Variants in FOXK2 observed in about 807,000 individuals in gnomAD.
The protein encoded by FOXK2 is forkhead box protein K2.
In FOXK2, 24 loss-of-function variants were observed where a neutral mutation model predicts 53.3. The observed-to-expected ratio is 0.45, with a 90% confidence interval of 0.33 to 0.63. The LOEUF (loss-of-function observed/expected upper bound fraction) is 0.63, where lower values mean the gene tolerates loss of function less well. Among genes scored for constraint, FOXK2 ranks in the 30% least tolerant of loss-of-function variants. FOXK2 has a pLI of 0.03. For missense variants in FOXK2, 952 were observed against 910.5 expected, an observed-to-expected ratio of 1.05 and a Z score of -0.59; for synonymous variants, 505 against 407.1, an observed-to-expected ratio of 1.24 and a Z score of -2.89.
Position 82,601,306 on chromosome 17 carries a change from C to T in FOXK2, c.1790C>T (p.Ala597Val), listed in dbSNP as rs766532897. Residue 597 changes from alanine to valine, a missense_variant, in exon 9 of 9, where the codon GCG (alanine) becomes GTG (valine). By Grantham distance (64) the Ala-to-Val change is moderately conservative. Around this residue, in one of 5 missense-constraint regions of FOXK2, gnomAD observed 551 missense variants for 385.1 expected, o/e 1.43. Transcript: ENST00000335255. ...TAVHGQVNNAAASPLHMLATH... is the reference protein window; with the variant it reads ...TAVHGQVNNAVASPLHMLATH... ...TGACTCCCTCGTGTCATTTCAGCCGCGGCGAGTCCTTTGCACATGTTGGCA... is the reference window on the plus strand; with the variant it reads ...TGACTCCCTCGTGTCATTTCAGCCGTGGCGAGTCCTTTGCACATGTTGGCA... 1.8e-5 allele frequency: 29 copies of T among 1,610,214 alleles called. No individual in the cohort carries two copies. The highest frequency in any genetic ancestry group is 1.8e-4 in the East Asian group (8 of 44,802).
intron 1 of FOXK2, among the ~76,000 whole-genome samples, chr17:82,525,103 G>C (rs2044403824): frequency 6.6e-6 from 1 of 151,658 alleles, no homozygotes; most frequent in Non-Finnish European, 1.5e-5. Flanking sequence ...AGCCTCCCGA[G>C]TAGCTGGGAT....
intron 4 of FOXK2, 150 bp downstream of exon 4, chr17:82,572,020 G>C: frequency 1.5e-6 from 1 of 653,468 alleles, no homozygotes. Context: ...TTGGGGGCCG[G>C]TGCTGCCATG....
intron 2 of FOXK2, among the ~76,000 whole-genome samples, chr17:82,565,109 C>T (rs189862781): frequency 8.2e-4 from 125 of 152,178 alleles, no homozygotes; most frequent in African/African-American, 2.4e-3. Flanking sequence ...ACCAGGTAAA[C>T]GGTATGTCCA....
chr17:82,549,370 A>G (rs2044654882), intron 1 of FOXK2, among the ~76,000 whole-genome samples: 1 of 152,080 alleles, frequency 6.6e-6, no homozygotes, highest in African/African-American at 2.4e-5. Flanking sequence ...TTACAGTTAC[A>G]GTACAGCAAA....
intron 1 of FOXK2, among the ~76,000 whole-genome samples, chr17:82,522,469 C>T (rs891270372): frequency 2.0e-5 from 3 of 150,600 alleles, no homozygotes; most frequent in Non-Finnish European, 4.4e-5. Context: ...CCCGGGTTCA[C>T]ATCATTCTCC....
intron 1 of FOXK2, among the ~76,000 whole-genome samples, chr17:82,555,744 T>A (rs1286654932): frequency 3.9e-5 from 5 of 129,216 alleles, no homozygotes; most frequent in Admixed American, 2.2e-4. Context: ...AAAAAAAAAA[T>A]TGGCGTGGGG....
At chr17:82,573,815 G>A (rs1340788343) in intron 4 of FOXK2, among the ~76,000 whole-genome samples, 2 of 152,248 alleles carry the variant, frequency 1.3e-5, no homozygotes, top group Non-Finnish European at 2.9e-5. Context: ...TTTCTCTTAA[G>A]TGGTATTTCT....
chr17:82,585,961 C>T lies in FOXK2; in HGVS notation c.1337C>T (p.Ala446Val), dbSNP rs200254073. ...ACCGTCCAGCGGCAGCTACCACAGG[C>T]CATCAAGCCTGTCACCTACACTGTG... ...LITVQRQLPQ[A>V]IKPVTYTVAT... Residue 446 changes from alanine to valine, a missense_variant, in exon 7 of 9, where the codon GCC becomes GTC. Ala to Val is a moderately conservative substitution (Grantham distance 64). Around this residue, in one of 5 missense-constraint regions of FOXK2, gnomAD observed 551 missense variants for 385.1 expected, o/e 1.43. Transcript: ENST00000335255. 3.6e-5 allele frequency: 58 copies of T among 1,612,774 alleles called. No homozygotes were observed. Among genetic ancestry groups the T allele is most frequent in the East Asian group, 1.3e-4 (6 of 44,890 alleles).
At chr17:82,574,051 G>A (rs756237488) in intron 4 of FOXK2, among the ~76,000 whole-genome samples, 5 of 152,226 alleles carry the variant, frequency 3.3e-5, no homozygotes, top group Non-Finnish European at 7.3e-5. Flanking sequence ...GCTTTCTGTC[G>A]TCTATTGCAG....
intron 1 of FOXK2, among the ~76,000 whole-genome samples, chr17:82,525,004 CTCTG>C (rs1389803314): frequency 4.1e-5 from 6 of 144,684 alleles, no homozygotes; most frequent in South Asian, 2.3e-4. Context: ...TTAAATCGGT[CTCTG>C]TCTGTCGCCC....
chr17:82,584,377 C>A (rs2143104577), intron 6 of FOXK2, among the ~76,000 whole-genome samples, 189 bp downstream of exon 6: 1 of 151,940 alleles, frequency 6.6e-6, no homozygotes, highest in East Asian at 1.9e-4. Context: ...AATGAAGGTT[C>A]TTTAAACGAC....
Position 82,584,038 on chromosome 17 carries a change from G to A in FOXK2, c.1129G>A (p.Ala377Thr), listed in dbSNP as rs766997277. 101 of 1,607,476 alleles carry A rather than the reference G, an allele frequency of 6.3e-5. No individual in the cohort carries two copies. Among genetic ancestry groups the A allele is most frequent in the Non-Finnish European group, 7.6e-5 (90 of 1,177,008 alleles). Residue 377 changes from alanine to threonine, a missense_variant, in exon 6 of 9, where the codon GCG becomes ACG. Physicochemically the swap from Ala to Thr is moderately conservative, Grantham distance 58 (BLOSUM62 0). Coordinates refer to ENST00000335255, the MANE Select transcript of FOXK2 (RefSeq NM_004514.4). ...SRSAPASPNH[A>T]GVLSAHSSGA... ...GAGTGCCCCAGCCTCTCCCAATCACGCGGGAGTGCTGTCTGCTCACTCTAG... is the reference window on the plus strand; with the variant it reads ...GAGTGCCCCAGCCTCTCCCAATCACACGGGAGTGCTGTCTGCTCACTCTAG...
Position 82,563,750 on chromosome 17 carries a change from C to CTTTTTTT in FOXK2, c.614+202_614+203insTTTTTTT, listed in dbSNP as rs1567975420. Among the ~76,000 whole-genome samples, 8 of 94,616 alleles carry CTTTTTTT rather than the reference C, an allele frequency of 8.5e-5. 4 individuals are homozygous for CTTTTTTT. Among genetic ancestry groups the CTTTTTTT allele is most frequent in the African/African-American group, 1.8e-4 (4 of 22,238 alleles). The allele number at this position is 94,616 out of a possible 152,430, so 62.1% of individuals were successfully genotyped here. On this transcript the variant is annotated intron_variant, in intron 2 of 8. Coordinates refer to ENST00000335255, the MANE Select transcript of FOXK2 (RefSeq NM_004514.4). ...GTTCCTGGTTTTTATTTACTCATTC[C>CTTTTTTT]CTTTTTTTTTTTTTTTTTTGAGAAG...
chr17:82,581,378 C>T (rs773620584), intron 4 of FOXK2, among the ~76,000 whole-genome samples: 2 of 152,056 alleles, frequency 1.3e-5, no homozygotes, highest in Admixed American at 1.3e-4. Flanking sequence ...GGGCTCACTG[C>T]AACCTCCTCC....
intron 1 of FOXK2, among the ~76,000 whole-genome samples, chr17:82,561,660 A>G (rs1424074525): frequency 6.8e-6 from 1 of 146,948 alleles, no homozygotes; most frequent in African/African-American, 2.5e-5. Context: ...AGGCAGCGGC[A>G]GCACGGCAAA....
chr17:82,556,690 T>C (rs1021204299), intron 1 of FOXK2, among the ~76,000 whole-genome samples: 3 of 151,578 alleles, frequency 2.0e-5, no homozygotes, highest in African/African-American at 4.9e-5. Flanking sequence ...TCCTGCCTCT[T>C]TTTTTTATTT....
At chr17:82,570,096 C>T (rs577305596) in intron 3 of FOXK2, among the ~76,000 whole-genome samples, 26 of 152,022 alleles carry the variant, frequency 1.7e-4, no homozygotes, top group African/African-American at 5.1e-4. Context: ...TTGGCAGGCG[C>T]CTGTAGTCCC....
At chr17:82,596,535 G>T (rs2045314817) in intron 8 of FOXK2, among the ~76,000 whole-genome samples, 2 of 152,294 alleles carry the variant, frequency 1.3e-5, no homozygotes, top group South Asian at 2.1e-4. Flanking sequence ...ACTGTTTCCA[G>T]ACGCACTTTC....
At chr17:82,601,172 C>G in intron 8 of FOXK2, 131 bp from the exon 9 acceptor site, 1 of 1,006,674 alleles carries the variant, frequency 9.9e-7, no homozygotes, top group South Asian at 1.6e-5. Context: ...AGTGGCAGGA[C>G]CCTTAGAGGG....
Sources: gnomAD v4.1 joint callset for allele counts (sites outside exome capture counted in the v4.1 genomes callset) on GRCh38, gnomAD v4.1.1 for gene constraint, gnomAD v4.1.1 regional missense constraint, MANE v1.5 for transcripts, NCBI Gene and HGNC (gene_info 2026-07-23, HGNC 2026-07-21) for gene names.